Variants in SLC17A4 observed in about 807,000 individuals in gnomAD.
SLC17A4 encodes the protein solute carrier family 17 member 4.
A neutral mutation model predicts 52.5 loss-of-function variants in SLC17A4; 33 were observed. That is an observed-to-expected ratio of 0.63 (90% CI 0.48 to 0.84). SLC17A4 has a LOEUF of 0.84. Ranked by LOEUF, SLC17A4 falls within the 40% of genes least tolerant of loss-of-function variation. SLC17A4 has a pLI of 0.00. For synonymous variants in SLC17A4, 225 were observed against 216.2 expected, an observed-to-expected ratio of 1.04 and a Z score of -0.36; for missense variants, 585 against 597.1, an observed-to-expected ratio of 0.98 and a Z score of 0.21.
intron 1 of SLC17A4, among the ~76,000 whole-genome samples, chr6:25,760,739 T>TA (rs1761459119): frequency 6.6e-6 from 1 of 152,196 alleles, no homozygotes; most frequent in African/African-American, 2.4e-5. Context: ...TCATTAGCTA[T>TA]GTCTAGTCAC....
chr6:25,755,198 C>T (rs1760911217), intron 1 of SLC17A4, among the ~76,000 whole-genome samples: 1 of 151,858 alleles, frequency 6.6e-6, no homozygotes, highest in African/African-American at 2.4e-5. Context: ...ACAATAAATG[C>T]CAATACTGAA....
chr6:25,769,852 T>C (rs1762333587), intron 3 of SLC17A4, among the ~76,000 whole-genome samples: 1 of 152,312 alleles, frequency 6.6e-6, no homozygotes, highest in South Asian at 2.1e-4. Context: ...AACTCTCTTA[T>C]ATTTTAATTT....
rs1581436772 is a variant in SLC17A4, at chr6:25,779,249, A to G, written c.*61A>G. On this transcript the variant is annotated 3_prime_UTR_variant, in exon 12 of 12. Coordinates refer to ENST00000377905, the MANE Select transcript of SLC17A4 (RefSeq NM_005495.3). ...TTCATCATTGTTTTCCCTCACAGAC[A>G]TTTCTCTTTCATGCCTGCTTGACTG... 7.5e-6 allele frequency: 12 copies of G among 1,598,072 alleles called. No homozygotes were observed. The East Asian group carries it at 2.7e-4, about 36-fold the overall frequency.
rs1464956961 is a variant in SLC17A4 at position 25,779,326 on chromosome 6, C to T, written c.*138C>T. On this transcript the variant is annotated 3_prime_UTR_variant, in exon 12 of 12. Coordinates refer to ENST00000377905, the MANE Select transcript of SLC17A4 (RefSeq NM_005495.3). ...TGTAACGCTAAAGATTTTACCATGC[C>T]TGGAAATTTTACAGGGGAAGAAAAC... 6 of 1,246,112 alleles carry T rather than the reference C, an allele frequency of 4.8e-6. No individual in the cohort carries two copies. Among genetic ancestry groups the T allele is most frequent in the Admixed American group, 5.3e-5 (2 of 37,562 alleles). The allele number at this position is 1,246,112 out of a possible 1,614,324, so 77.2% of individuals were successfully genotyped here.
chr6:25,764,245 CT>C (rs1761810230), intron 2 of SLC17A4, among the ~76,000 whole-genome samples: 3 of 152,296 alleles, frequency 2.0e-5, no homozygotes, highest in Middle Eastern at 3.4e-3. Flanking sequence ...AGGATTGTAG[CT>C]TCCAGATATT....
intron 2 of SLC17A4, among the ~76,000 whole-genome samples, chr6:25,762,998 C>G (rs1037147811): frequency 6.6e-6 from 1 of 152,082 alleles, no homozygotes; most frequent in African/African-American, 2.4e-5. Flanking sequence ...GGTAAAAGCA[C>G]GGGTCAGAAA....
intron 8 of SLC17A4, among the ~76,000 whole-genome samples, chr6:25,774,299 G>A (rs1269290614): frequency 6.6e-6 from 1 of 152,162 alleles, no homozygotes; most frequent in Non-Finnish European, 1.5e-5. Context: ...TTCAATTCCT[G>A]CTGGATGGAT....
chr6:25,778,045 A>T, intron 11 of SLC17A4, 29 bp downstream of exon 11: 1 of 1,575,760 alleles, frequency 6.3e-7, no homozygotes, highest in Non-Finnish European at 8.7e-7. Flanking sequence ...ATGAATATTC[A>T]TAAAAGAAAC....
At position 25,773,661 on chromosome 6, in the gene SLC17A4, C is replaced by T. The variant is rs750847132; in HGVS notation, c.974C>T (p.Ala325Val). 6.2e-7 allele frequency: 1 copy of T among 1,613,240 alleles called. No homozygotes were observed. Among genetic ancestry groups the T allele is most frequent in the Non-Finnish European group, 8.5e-7 (1 of 1,179,574 alleles). The change falls in exon 8 of 12, where the codon GCC (alanine) becomes GTC (valine). Residue 325 changes from alanine to valine, a missense_variant. By Grantham distance (64) the Ala-to-Val change is moderately conservative. Coordinates refer to ENST00000377905, the MANE Select transcript of SLC17A4 (RefSeq NM_005495.3). ...ACGTACATCAGCTCGGTACTTCAAG[C>T]CAACCTCAGAGATGTAAGTACAGAG... ...TPTYISSVLQ[A>V]NLRDSGILSA...
Position 25,769,084 on chromosome 6 carries a change from T to C in SLC17A4, c.191T>C (p.Met64Thr), listed in dbSNP as rs867809262. 1.9e-6 allele frequency: 3 copies of C among 1,614,118 alleles called. No individual in the cohort carries two copies. Among genetic ancestry groups the C allele is most frequent in the African/African-American group, 1.3e-5 (1 of 75,052 alleles). Residue 64 changes from methionine (M) to threonine (T), a missense_variant, in exon 3 of 12, where the codon ATG becomes ACG. Coordinates refer to ENST00000377905, the MANE Select transcript of SLC17A4 (RefSeq NM_005495.3). ...QMNLSIAIPA[M>T]VNNTAPPSQP... is the part of the protein sequence containing the mutation. ...AACTTGAGCATTGCCATCCCAGCTATGGTGAACAACACAGCCCCACCTAGC... is the reference window on the plus strand; with the variant it reads ...AACTTGAGCATTGCCATCCCAGCTACGGTGAACAACACAGCCCCACCTAGC...
chr6:25,770,010 A>C lies in SLC17A4; in HGVS notation c.298-57A>C, dbSNP rs1212811325. On this transcript the variant is annotated intron_variant, in intron 3 of 11. Transcript: ENST00000377905. ...TAATTTTTGCCTCTCAAGTCCTCAC[A>C]ATGAAAACTGTCAATCCTTCAACTA... The C allele has an allele frequency of 3.3e-6, 5 of 1,530,986 alleles. No homozygotes were observed. The East Asian group carries it at 1.1e-4, about 35-fold the overall frequency. The allele number at this position is 1,530,986 out of a possible 1,614,324, so 94.8% of individuals were successfully genotyped here.
At position 25,777,228 on chromosome 6, in the gene SLC17A4, G is replaced by A. The variant is rs538035950; in HGVS notation, c.1268+269G>A. 211 of 407,558 alleles carry A rather than the reference G, an allele frequency of 5.2e-4. 1 individual carries two copies. Among genetic ancestry groups the A allele is most frequent in the African/African-American group, 3.9e-3 (195 of 49,840 alleles). The allele number at this position is 407,558 out of a possible 1,614,324, so 25.2% of individuals were successfully genotyped here. A position where few individuals can be genotyped will look rare whatever the true frequency, so the allele number is the denominator to read the frequency against. On this transcript the variant is annotated intron_variant, in intron 10 of 11. Transcript: ENST00000377905. ...AGACTCACACAAACCTCTCTCTGTT[G>A]AGGAATGCAGCACTTGCCTAAGGCG...
At chr6:25,762,179 A>T (rs1761599100) in intron 2 of SLC17A4, 126 bp downstream of exon 2, 1 of 704,318 alleles carries the variant, frequency 1.4e-6, no homozygotes, top group African/African-American at 1.8e-5. Context: ...CCTTGCTACC[A>T]CCAATTGCCA....
In SLC17A4 at chr6:25,779,494, G is replaced by C. The variant is rs1377496672; in HGVS notation, c.*306G>C. ...AAAGCAAAAGAGGAAGCCAGACCTT[G>C]GGACCGAGAACTGAGAATCACAAGG... On this transcript the variant is annotated 3_prime_UTR_variant, in exon 12 of 12. Transcript: ENST00000377905. The C allele has an allele frequency of 3.9e-6, 1 of 255,516 alleles. No homozygotes were observed. Among genetic ancestry groups the C allele is most frequent in the Non-Finnish European group, 7.4e-6 (1 of 134,968 alleles). The allele number at this position is 255,516 out of a possible 1,614,324, so 15.8% of individuals were successfully genotyped here.
In SLC17A4 at chr6:25,773,512, G is replaced by A; in HGVS notation, c.826-1G>A. ...GGACATTGATGTGTGCTTTCTTCCA[G>A]GACTGTTCACCAGGCTGGTCTCTTC... On this transcript the variant is annotated splice_acceptor_variant, in intron 7 of 11. Transcript: ENST00000377905. LOFTEE classifies it high-confidence loss of function. The A allele has an allele frequency of 6.2e-7, 1 of 1,613,750 alleles. No individual in the cohort carries two copies. Among genetic ancestry groups the A allele is most frequent in the Non-Finnish European group, 8.5e-7 (1 of 1,179,848 alleles).
At chr6:25,775,045 G>C (rs76994192) in intron 8 of SLC17A4, among the ~76,000 whole-genome samples, 3,768 of 152,254 alleles carry the variant, frequency 0.025, 72 homozygotes, top group Middle Eastern at 0.095. Context: ...GAAACATAGA[G>C]TGGGTCAGGT....
In SLC17A4 at chr6:25,761,959, C is replaced by T; in HGVS notation, c.-4C>T. 1 of 1,611,930 alleles carries T rather than the reference C, an allele frequency of 6.2e-7. No individual in the cohort carries two copies. The highest frequency in any genetic ancestry group is 1.1e-5 in the South Asian group (1 of 90,732). ...ATGCCAGTCCCTAGGAAGAGAGAAC[C>T]AAAATGTCTACCGGACCAGATGTCA... is the stretch of plus-strand genomic sequence containing the variant. On this transcript the variant is annotated 5_prime_UTR_variant, in exon 2 of 12. Coordinates refer to ENST00000377905, the MANE Select transcript of SLC17A4 (RefSeq NM_005495.3).
chr6:25,767,092 C>T (rs1011011406), intron 2 of SLC17A4, among the ~76,000 whole-genome samples: 14 of 151,876 alleles, frequency 9.2e-5, no homozygotes, highest in Non-Finnish European at 1.8e-4. Context: ...CTAAAACTGT[C>T]CTAAAATTAA....
chr6:25,777,658 C>CAA, intron 10 of SLC17A4: 1 of 330,062 alleles, frequency 3.0e-6, no homozygotes, highest in South Asian at 8.9e-5. Context: ...CTTGCATAAA[C>CAA]AATGTTGACA....
Sources: allele counts gnomAD v4.1 joint callset (sites outside exome capture counted in the v4.1 genomes callset), GRCh38; gene constraint gnomAD v4.1.1; transcripts MANE v1.5; gene names NCBI Gene and HGNC (gene_info 2026-07-23, HGNC 2026-07-21).